The following LONRF3 variants were observed in gnomAD, a reference collection of about 807,000 sequenced individuals.
LONRF3 encodes the protein LON peptidase N-terminal domain and RING finger protein 3.
Under a neutral mutation model 51.7 loss-of-function variants are expected in LONRF3, and 19 were observed. The observed-to-expected ratio is 0.37, with a 90% confidence interval of 0.26 to 0.54. The LOEUF is 0.54. Ranked by LOEUF, LONRF3 falls within the 20% of genes least tolerant of loss-of-function variation. The pLI is 0.86. For synonymous variants in LONRF3, 265 were observed against 257.8 expected, an observed-to-expected ratio of 1.03 and a Z score of -0.27; for missense variants, 521 against 623.9, an observed-to-expected ratio of 0.84 and a Z score of 1.76.
chrX:118,990,590 T>G, intron 5 of LONRF3, 30 bp downstream of exon 5: 2 of 1,115,473 alleles, frequency 1.8e-6, no homozygotes, highest in Non-Finnish European at 2.5e-6. Flanking sequence ...ATTTACTTCC[T>G]GATGTTTCTT....
chrX:118,989,635 A>G lies in LONRF3; in HGVS notation c.1287A>G (p.Gln429=), dbSNP rs776871614. 2 of 1,211,047 alleles carry G rather than the reference A, an allele frequency of 1.7e-6. No homozygotes were observed. Among genetic ancestry groups the G allele is most frequent in the Non-Finnish European group, 2.2e-6 (2 of 895,191 alleles). ...GGAAACATTGCCAGATTGAATCCCA[A>G]GAAGAAACGGGGATGCCTAATAAAG... ...KKRKHCQIES[Q]EETGMPNKAS... is the part of the protein sequence containing the mutation. The change falls in exon 4 of 11, where the codon CAA becomes CAG. Residue 429 remains glutamine, a synonymous_variant. Coordinates refer to ENST00000371628, the MANE Select transcript of LONRF3 (RefSeq NM_001031855.3).
At chrX:118,993,774 C>T (rs996202420) in intron 5 of LONRF3, among the ~76,000 whole-genome samples, 2 of 111,609 alleles carry the variant, frequency 1.8e-5, no homozygotes, top group African/African-American at 6.5e-5. Context: ...AGAACTGAGA[C>T]AGAGCACCAG....
rs533130419 is a variant in LONRF3 at position 119,014,996 on chromosome X, C to G, written c.2124+640C>G. ...CAGTAGTTTGTTAGGTTCTACTGATCAGTGTTCTTCCTGGGGGATAGGCCT... is the reference window on the plus strand; with the variant it reads ...CAGTAGTTTGTTAGGTTCTACTGATGAGTGTTCTTCCTGGGGGATAGGCCT... On this transcript the variant is annotated intron_variant, in intron 10 of 10. Coordinates refer to ENST00000371628, the MANE Select transcript of LONRF3 (RefSeq NM_001031855.3). 9.8e-5 allele frequency among the ~76,000 whole-genome samples: 11 copies of G among 111,947 alleles called. 1 individual carries two copies. The East Asian group carries it at 3.1e-3, about 31-fold the overall frequency.
chrX:119,000,804 TC>T (rs1924238441), intron 5 of LONRF3, among the ~76,000 whole-genome samples: 1 of 64,711 alleles, frequency 1.5e-5, no homozygotes, highest in Non-Finnish European at 2.8e-5. Flanking sequence ...TCTCTCTCTC[TC>T]TCTCTCTCTC....
At chrX:118,994,039 CA>C (rs1923629570) in intron 5 of LONRF3, among the ~76,000 whole-genome samples, 3 of 112,107 alleles carry the variant, frequency 2.7e-5, no homozygotes, top group Admixed American at 1.9e-4. Flanking sequence ...AATCTTGAAA[CA>C]AATCCTGGAA....
chrX:119,002,093 T>G (rs193248846), intron 5 of LONRF3, among the ~76,000 whole-genome samples: 14 of 112,556 alleles, frequency 1.2e-4, no homozygotes, highest in Admixed American at 3.8e-4. Flanking sequence ...ACATTTTAAA[T>G]TGTGAAATAC....
intron 2 of LONRF3, among the ~76,000 whole-genome samples, chrX:118,979,050 G>C (rs1922333576): frequency 1.0e-5 from 1 of 95,449 alleles, no homozygotes; most frequent in African/African-American, 4.0e-5. Context: ...ACCCAGGCTG[G>C]AGTGCAGTGG....
In LONRF3 at chrX:118,981,406, A is replaced by G. The variant is rs1025665371; in HGVS notation, c.937-1415A>G. 5.7e-5 allele frequency among the ~76,000 whole-genome samples: 6 copies of G among 105,220 alleles called. No individual in the cohort carries two copies. In the South Asian group the frequency reaches 2.7e-3, roughly 47 times the overall value. The allele number at this position is 105,220 out of a possible 115,157, so 91.4% of individuals were successfully genotyped here. On this transcript the variant is annotated intron_variant, in intron 2 of 10. Coordinates refer to ENST00000371628, the MANE Select transcript of LONRF3 (RefSeq NM_001031855.3). ...AGGCTGAGGCCGGAGAATCGCTTGA[A>G]CCTAGGAGGTGGAGGTTGTAGTGAG...
At chrX:119,016,345 TC>T (rs1925451015) in intron 10 of LONRF3, among the ~76,000 whole-genome samples, 2 of 80,452 alleles carry the variant, frequency 2.5e-5, no homozygotes, top group African/African-American at 6.3e-5. Context: ...TTTCTTTCTT[TC>T]TTTCTTTTTT....
At chrX:118,999,374 G>A (rs1221720660) in intron 5 of LONRF3, among the ~76,000 whole-genome samples, 2 of 112,005 alleles carry the variant, frequency 1.8e-5, no homozygotes, top group Non-Finnish European at 3.8e-5. Flanking sequence ...CAAAGCCAAG[G>A]TAGAAGATAG....
intron 10 of LONRF3, among the ~76,000 whole-genome samples, chrX:119,016,701 G>A (rs1055509496): frequency 9.0e-6 from 1 of 111,642 alleles, no homozygotes; most frequent in African/African-American, 3.3e-5. Flanking sequence ...TTTGCAAAGT[G>A]AGATTGTGAT....
chrX:119,006,896 G>C (rs1924771282), intron 6 of LONRF3, among the ~76,000 whole-genome samples: 1 of 107,731 alleles, frequency 9.3e-6, no homozygotes, highest in Non-Finnish European at 1.9e-5. Flanking sequence ...CCTAATTTTT[G>C]TATTTTTAGT....
At chrX:118,987,123 G>C (rs892341323) in intron 3 of LONRF3, 5 of 1,091,240 alleles carry the variant, frequency 4.6e-6, no homozygotes, top group Non-Finnish European at 6.1e-6. Flanking sequence ...GCTTCGTTTG[G>C]CTGTTTTGTG....
chrX:118,974,696 G>T lies in LONRF3; in HGVS notation c.-85G>T. 1.1e-6 allele frequency: 1 copy of T among 876,543 alleles called. No homozygotes were observed. Among genetic ancestry groups the T allele is most frequent in the Non-Finnish European group, 1.6e-6 (1 of 639,061 alleles). 72.2% of individuals were successfully genotyped at this position (876,543 alleles called of 1,213,427 possible). A position where few individuals can be genotyped will look rare whatever the true frequency, so the allele number is the denominator to read the frequency against. On this transcript the variant is annotated 5_prime_UTR_variant, in exon 1 of 11. Transcript: ENST00000371628. The stretch of plus-strand genomic sequence containing the variant: ...GGAGCTCGGTGGCATGGCGGCGGTG[G>T]CTGCCCCGATTTCCTCCAGCTGCCA...
chrX:119,006,746 G>A (rs1414699240), intron 6 of LONRF3, among the ~76,000 whole-genome samples: 2 of 111,526 alleles, frequency 1.8e-5, no homozygotes, highest in South Asian at 3.8e-4. Context: ...CCGCCACCAC[G>A]CCTGGCTAAT....
intron 5 of LONRF3, among the ~76,000 whole-genome samples, chrX:119,005,222 C>T (rs1008943883): frequency 3.6e-5 from 4 of 111,511 alleles, no homozygotes; most frequent in Admixed American, 1.9e-4. Flanking sequence ...TGCTGCTCCT[C>T]TTGGTGAGTG....
intron 3 of LONRF3, 88 bp from the exon 4 acceptor site, chrX:118,989,320 T>C: frequency 9.4e-7 from 1 of 1,065,872 alleles, no homozygotes. Flanking sequence ...CAGGACTCTA[T>C]AGTTTCCCTT....
chrX:118,980,817 A>C (rs754115030), intron 2 of LONRF3, among the ~76,000 whole-genome samples: 2 of 111,627 alleles, frequency 1.8e-5, no homozygotes, highest in Non-Finnish European at 3.8e-5. Flanking sequence ...TGTGGTGAGA[A>C]GCAGAGCTGA....
chrX:119,001,083 G>GT (rs1480495901), intron 5 of LONRF3, among the ~76,000 whole-genome samples: 11 of 111,645 alleles, frequency 9.9e-5, no homozygotes, highest in South Asian at 3.8e-4. Context: ...AATGTAAAAT[G>GT]TTTTTTGTGT....
Sources: gnomAD v4.1 joint callset for allele counts (sites outside exome capture counted in the v4.1 genomes callset) on GRCh38, gnomAD v4.1.1 for gene constraint, MANE v1.5 for transcripts, NCBI Gene and HGNC (gene_info 2026-07-23, HGNC 2026-07-21) for gene names.